The following DOK7 variants were observed in gnomAD, a reference collection of about 807,000 sequenced individuals.
The protein encoded by DOK7 is docking protein 7.
DOK7 carries 32 observed loss-of-function variants against 30.7 expected under a neutral mutation model. The ratio of observed to expected loss-of-function variants is 1.04; its 90% CI spans 0.79 to 1.40. DOK7 has a LOEUF of 1.40. Ranked by LOEUF, DOK7 falls within the 40% of genes most tolerant of loss-of-function variation. The pLI, the probability that DOK7 is intolerant of heterozygous loss-of-function variation, is 0.00. For synonymous variants in DOK7, 447 were observed against 324.1 expected (o/e 1.38, Z -4.07); for missense variants, 1,007 against 699.2 (o/e 1.44, Z -4.97).
rs762340215 is a variant in DOK7, at chr4:3,494,130, G to T, written c.*629G>T. The T allele has an allele frequency of 7.9e-5, 78 of 985,782 alleles. 1 individual carries two copies. Among genetic ancestry groups the T allele is most frequent in the Non-Finnish European group, 8.4e-6 (7 of 830,186 alleles). The allele number at this position is 985,782 out of a possible 1,614,324, so 61.1% of individuals were successfully genotyped here. On this transcript the variant is annotated 3_prime_UTR_variant, in exon 7 of 7. Coordinates refer to ENST00000340083, the MANE Select transcript of DOK7 (RefSeq NM_173660.5). ...AGTGAAGCCCTTGTGGGAAGGTTCC[G>T]GGAGCAGGTGGTGTCCTCAGAGCAG...
At chr4:3,481,685 C>T (rs564768400) in intron 4 of DOK7, among the ~76,000 whole-genome samples, 34 of 152,296 alleles carry the variant, frequency 2.2e-4, no homozygotes, top group African/African-American at 7.5e-4. Flanking sequence ...ACACCCTGGT[C>T]ACCCCGATGT....
intron 4 of DOK7, among the ~76,000 whole-genome samples, chr4:3,478,678 C>T (rs1371692207): frequency 9.7e-6 from 1 of 103,462 alleles, no homozygotes; most frequent in African/African-American, 4.3e-5. Context: ...AGAGGAAGGG[C>T]TCTGGGAATT....
At chr4:3,481,097 G>A (rs1261401374) in intron 4 of DOK7, among the ~76,000 whole-genome samples, 3 of 152,094 alleles carry the variant, frequency 2.0e-5, no homozygotes, top group Non-Finnish European at 4.4e-5. Flanking sequence ...TGTTGGGGGG[G>A]ATAGGAGGCG....
chr4:3,495,417 G>A (rs1240016190), downstream of DOK7, among the ~76,000 whole-genome samples: 1 of 152,260 alleles, frequency 6.6e-6, no homozygotes, highest in Non-Finnish European at 1.5e-5. Context: ...CCAGACTGAA[G>A]CACCCCACAG....
At chr4:3,471,689 C>T (rs1018016173) in intron 2 of DOK7, among the ~76,000 whole-genome samples, 1 of 152,224 alleles carries the variant, frequency 6.6e-6, no homozygotes, top group African/African-American at 2.4e-5. Flanking sequence ...ATTCCGATTA[C>T]GCCGCTGTGT....
rs147844706 is a variant in DOK7, at chr4:3,493,529, A to G, written c.*28A>G. The G allele has an allele frequency of 1.9e-6, 3 of 1,605,370 alleles. No individual in the cohort carries two copies. Among genetic ancestry groups the G allele is most frequent in the African/African-American group, 1.3e-5 (1 of 74,772 alleles). ...GCCGCAGATCCCGCCCCGCGGCTGCAAAGGGGCTGAATTTGCCCCCAGATG... is the reference window on the plus strand; with the variant it reads ...GCCGCAGATCCCGCCCCGCGGCTGCGAAGGGGCTGAATTTGCCCCCAGATG... On this transcript the variant is annotated 3_prime_UTR_variant, in exon 7 of 7. Coordinates refer to ENST00000340083, the MANE Select transcript of DOK7 (RefSeq NM_173660.5).
chr4:3,463,458 G>T lies in DOK7; in HGVS notation c.54+29G>T, dbSNP rs767030857. 25,387 of 1,424,544 alleles carry T rather than the reference G, an allele frequency of 0.018. 226 individuals are homozygous for T. The highest frequency in any genetic ancestry group is 0.021 in the Non-Finnish European group (22,771 of 1,094,260). 88.2% of individuals were successfully genotyped at this position (1,424,544 alleles called of 1,614,324 possible). A position where few individuals can be genotyped will look rare whatever the true frequency, so the allele number is the denominator to read the frequency against. Reference sequence around the variant, plus strand: ...GGGGCGCGTCGGGGGCGCGGGGGGGGGGGGCGCGGGCGCGGGCGGCGGCTC... The same window carrying T: ...GGGGCGCGTCGGGGGCGCGGGGGGGTGGGGCGCGGGCGCGGGCGGCGGCTC... On this transcript the variant is annotated intron_variant, in intron 1 of 6. Transcript: ENST00000340083.
downstream of DOK7, among the ~76,000 whole-genome samples, chr4:3,499,477 C>T (rs1240534810): frequency 6.6e-6 from 1 of 152,182 alleles, no homozygotes; most frequent in Non-Finnish European, 1.5e-5. Flanking sequence ...GGTGCGGAGC[C>T]CTCAGGCCTG....
At chr4:3,496,349 C>A (rs149958928), downstream of DOK7, among the ~76,000 whole-genome samples, 1,360 of 152,320 alleles carry the variant, frequency 8.9e-3, 22 homozygotes, top group African/African-American at 0.031. Context: ...GAGCCTTCCC[C>A]ACCAGCTGCA....
Position 3,485,603 on chromosome 4 carries a change from C to T in DOK7, c.597C>T (p.Ile199=), listed in dbSNP as rs771302576. The T allele has an allele frequency of 2.7e-5, 43 of 1,608,120 alleles. No individual in the cohort carries two copies. In the African/African-American group the frequency reaches 2.7e-4, roughly 10 times the overall value. Residue 199 remains isoleucine (I), a synonymous_variant, in exon 5 of 7, where the codon ATC becomes ATT. Coordinates refer to ENST00000340083, the MANE Select transcript of DOK7 (RefSeq NM_173660.5). ...AGATCAGCTTCCTGTTCGACTGCAT[C>T]GTCCGAGGCATCTCCCCCACCAAGG... is the stretch of plus-strand genomic sequence containing the variant. ...GEQISFLFDC[I]VRGISPTKGP...
At chr4:3,483,812 C>G (rs1485956042) in intron 4 of DOK7, among the ~76,000 whole-genome samples, 4 of 152,214 alleles carry the variant, frequency 2.6e-5, no homozygotes, top group Non-Finnish European at 5.9e-5. Context: ...CTGCCTGGCA[C>G]TGAGTGAGCC....
rs527341140 is a variant in DOK7 at position 3,493,319 on chromosome 4, G to A, written c.1333G>A (p.Gly445Ser). The change falls in exon 7 of 7, where the codon GGC (glycine) becomes AGC (serine). Residue 445 changes from glycine to serine, a missense_variant. Transcript: ENST00000340083. ...GGQTSAGCPS[G>S]WLGTRRRGLV... is the part of the protein sequence containing the mutation. ...CCAGACGTCCGCCGGGTGTCCCTCT[G>A]GCTGGCTGGGCACGAGACGGCGGGG... is the stretch of plus-strand genomic sequence containing the variant. The A allele has an allele frequency of 1.9e-6, 3 of 1,604,110 alleles. No individual in the cohort carries two copies. The highest frequency in any genetic ancestry group is 2.7e-5 in the African/African-American group (2 of 74,874).
chr4:3,499,955 GC>G (rs1375651530), intron 6 of DOK7, among the ~76,000 whole-genome samples: 1 of 151,814 alleles, frequency 6.6e-6, no homozygotes, highest in Non-Finnish European at 1.5e-5. Flanking sequence ...GCCTTGGGGG[GC>G]CCATGGGGGG....
chr4:3,485,424 AG>A, intron 4 of DOK7, 114 bp from the exon 5 acceptor site: 1 of 1,341,092 alleles, frequency 7.5e-7, no homozygotes, highest in Non-Finnish European at 9.8e-7. Context: ...GGGGCCAGGC[AG>A]GGTGTCATTG....
intron 3 of DOK7, among the ~76,000 whole-genome samples, chr4:3,474,364 A>G (rs112634032): frequency 0.063 from 9,584 of 152,258 alleles, 522 homozygotes; most frequent in African/African-American, 0.14. Flanking sequence ...CCCAGCAGCC[A>G]CAGCTGCCCT....
At chr4:3,477,532 G>A (rs768761339) in intron 4 of DOK7, among the ~76,000 whole-genome samples, 10 of 152,270 alleles carry the variant, frequency 6.6e-5, no homozygotes, top group Non-Finnish European at 1.2e-4. Context: ...CACCTTCTGC[G>A]CTGGGCGCTG....
chr4:3,497,052 TTGGGTGACAGTTGACAGTGGTTGC>T (rs1303642876), downstream of DOK7, among the ~76,000 whole-genome samples: 4 of 150,218 alleles, frequency 2.7e-5, no homozygotes, highest in African/African-American at 7.3e-5. Context: ...GCAGTGGGTG[TTGGGTGACAGTTGACAGTGGTTGC>T]TGGGTGGCAG....
At chr4:3,483,685 T>C (rs2857988) in intron 4 of DOK7, among the ~76,000 whole-genome samples, 113,499 of 152,140 alleles carry the variant, frequency 0.75, 42,784 homozygotes, top group East Asian at 0.93. Flanking sequence ...CATTGTCCCG[T>C]GGCCACTGCC....
chr4:3,494,193 TCGGGCCC>T lies in DOK7; in HGVS notation c.*694_*700del, dbSNP rs1321634596. The T allele has an allele frequency of 2.0e-6, 2 of 985,442 alleles. No homozygotes were observed. Among genetic ancestry groups the T allele is most frequent in the Non-Finnish European group, 2.4e-6 (2 of 830,020 alleles). 61.0% of individuals were successfully genotyped at this position (985,442 alleles called of 1,614,324 possible). The stretch of plus-strand genomic sequence containing the variant: ...ACCCCACTGGGAGAGGCGCCGTGCC[TCGGGCCC>T]CTGGTGGGAGCTCTGCTGGCTCCTG... On this transcript the variant is annotated 3_prime_UTR_variant, in exon 7 of 7. Transcript: ENST00000340083.
Sources: allele counts gnomAD v4.1 joint callset (sites outside exome capture counted in the v4.1 genomes callset), GRCh38; gene constraint gnomAD v4.1.1; transcripts MANE v1.5; gene names NCBI Gene and HGNC (gene_info 2026-07-23, HGNC 2026-07-21).